The following SLFN5 variants were observed in gnomAD, a reference collection of about 807,000 sequenced individuals.
The protein encoded by SLFN5 is schlafen family member 5.
Under a neutral mutation model 48.5 loss-of-function variants are expected in SLFN5, and 34 were observed. The ratio of observed to expected loss-of-function variants is 0.70; its 90% CI spans 0.53 to 0.93. The LOEUF is 0.93. Among genes scored for constraint, SLFN5 ranks in the 40% least tolerant of loss-of-function variants. SLFN5 has a pLI of 0.00. For synonymous variants in SLFN5, 387 were observed against 396.2 expected, an observed-to-expected ratio of 0.98 and a Z score of 0.28; for missense variants, 1,006 against 1,071.3, an observed-to-expected ratio of 0.94 and a Z score of 0.85.
chr17:35,266,175 T>TGCGC lies in SLFN5; in HGVS notation c.*288_*289insCGCG, dbSNP rs1280248406. 7.7e-3 allele frequency: 1,549 copies of TGCGC among 200,864 alleles called. 9 individuals are homozygous for TGCGC. Among genetic ancestry groups the TGCGC allele is most frequent in the Admixed American group, 9.9e-3 (145 of 14,580 alleles). 12.4% of individuals were successfully genotyped at this position (200,864 alleles called of 1,614,324 possible). ...GTGTGTGTGTGTGTGTGTGTGTGTG[T>TGCGC]GTGCGCGCGCGCACGTGCACATGTG... On this transcript the variant is annotated 3_prime_UTR_variant, in exon 5 of 5. Coordinates refer to ENST00000299977, the MANE Select transcript of SLFN5 (RefSeq NM_144975.4).
At chr17:35,256,293 A>G (rs1303880088) in intron 1 of SLFN5, among the ~76,000 whole-genome samples, 1 of 151,896 alleles carries the variant, frequency 6.6e-6, no homozygotes, top group African/African-American at 2.4e-5. Flanking sequence ...TGGGAGGCAG[A>G]GTTTACACTG....
At position 35,264,744 on chromosome 17, in the gene SLFN5, A is replaced by G. The variant is rs936829951; in HGVS notation, c.1700A>G (p.Asn567Ser). ...AAACAGTATGAGTTGCTTTCAAAGA[A>G]CCTTCGCAAGACCAGAGAGTTGTTT... The part of the protein sequence containing the change: ...TNKQYELLSK[N>S]LRKTRELFVH... The change falls in exon 4 of 5, where the codon AAC becomes AGC. Residue 567 changes from asparagine to serine, a missense_variant. Transcript: ENST00000299977. 2.5e-6 allele frequency: 4 copies of G among 1,601,064 alleles called. No homozygotes were observed. In the Admixed American group the frequency reaches 7.0e-5, roughly 28 times the overall value.
chr17:35,249,318 C>CTAT (rs2092437376), intron 1 of SLFN5, among the ~76,000 whole-genome samples: 1 of 152,188 alleles, frequency 6.6e-6, no homozygotes, highest in Non-Finnish European at 1.5e-5. Context: ...AATCAACCAC[C>CTAT]TATTGACAAG....
At chr17:35,262,867 C>A (rs1019597237) in intron 3 of SLFN5, among the ~76,000 whole-genome samples, 2 of 151,646 alleles carry the variant, frequency 1.3e-5, no homozygotes, top group Non-Finnish European at 2.9e-5. Flanking sequence ...CCGTCCCCCC[C>A]AAAAAAAAGT....
intron 2 of SLFN5, 159 bp downstream of exon 2, chr17:35,259,861 C>T (rs1670954344): frequency 8.3e-6 from 7 of 843,680 alleles, no homozygotes; most frequent in African/African-American, 3.4e-5. Context: ...AGATGTAGTT[C>T]GTGGATTATT....
At chr17:35,248,238 T>C (rs916734588) in intron 1 of SLFN5, among the ~76,000 whole-genome samples, 14 of 152,286 alleles carry the variant, frequency 9.2e-5, no homozygotes, top group Middle Eastern at 3.4e-3. Flanking sequence ...TTGAACAAAA[T>C]TGTTCATTTG....
chr17:35,259,562 G>A lies in SLFN5; in HGVS notation c.872G>A (p.Gly291Glu). 1 of 1,613,886 alleles carries A rather than the reference G, an allele frequency of 6.2e-7. No individual in the cohort carries two copies. The highest frequency in any genetic ancestry group is 8.5e-7 in the Non-Finnish European group (1 of 1,180,032). ...LEVHDKGALR[G>E]YVCAIKVEKF... is the part of the protein sequence containing the mutation. Reference sequence around the variant, plus strand: ...GTGCATGATAAGGGGGCCCTCCGTGGATATGTCTGTGCAATCAAGGTGGAG... The same window carrying A: ...GTGCATGATAAGGGGGCCCTCCGTGAATATGTCTGTGCAATCAAGGTGGAG... The change falls in exon 2 of 5, where the codon GGA becomes GAA. Residue 291 changes from glycine to glutamate, a missense_variant. By Grantham distance (98) the Gly-to-Glu change is moderately conservative. Transcript: ENST00000299977.
chr17:35,251,488 C>A (rs12948006), intron 1 of SLFN5, among the ~76,000 whole-genome samples: 66,731 of 151,486 alleles, frequency 0.44, 17,466 homozygotes, highest in Non-Finnish European at 0.59. Context: ...TCACTGCAAG[C>A]TCCGCCTCCC....
chr17:35,259,624 TC>T lies in SLFN5; in HGVS notation c.936del (p.Trp313GlyfsTer3). On this transcript the variant is annotated frameshift_variant, in exon 2 of 5. Transcript: ENST00000299977. LOFTEE classifies it high-confidence loss of function. ...TGCGGTGTTTGCCAAAGTGCCTAGTTCCTGGCAGGTGAAGGACAACCGTGTG... is the reference window on the plus strand; with the variant it reads ...TGCGGTGTTTGCCAAAGTGCCTAGTTCTGGCAGGTGAAGGACAACCGTGTG... Reference protein sequence around the residue: ...CCAVFAKVPSSWQVKDNRVRQ... With the variant: ...CCAVFAKVPSXWQVKDNRVRQ... 6.2e-7 allele frequency: 1 copy of T among 1,606,844 alleles called. No homozygotes were observed.
intron 1 of SLFN5, among the ~76,000 whole-genome samples, chr17:35,257,711 G>T (rs1296886378): frequency 6.6e-6 from 1 of 151,178 alleles, no homozygotes; most frequent in Non-Finnish European, 1.5e-5. Context: ...GTATATATAT[G>T]ATTTTTTTTT....
At chr17:35,256,058 A>C (rs960494162) in intron 1 of SLFN5, among the ~76,000 whole-genome samples, 1 of 152,340 alleles carries the variant, frequency 6.6e-6, no homozygotes, top group African/African-American at 2.4e-5. Context: ...CTTAGAGTTC[A>C]TTCAAAATAG....
intron 1 of SLFN5, among the ~76,000 whole-genome samples, chr17:35,248,235 A>G (rs991039732): frequency 1.3e-5 from 2 of 152,192 alleles, no homozygotes; most frequent in Non-Finnish European, 2.9e-5. Context: ...GACTTGAACA[A>G]AATTGTTCAT....
rs1325014093 is a variant in SLFN5, at chr17:35,266,185, C to A, written c.*297C>A. 4 of 189,434 alleles carry A rather than the reference C, an allele frequency of 2.1e-5. No individual in the cohort carries two copies. In the East Asian group the frequency reaches 2.4e-4, roughly 11 times the overall value. 11.7% of individuals were successfully genotyped at this position (189,434 alleles called of 1,614,324 possible). A position where few individuals can be genotyped will look rare whatever the true frequency, so the allele number is the denominator to read the frequency against. ...GTGTGTGTGTGTGTGTGTGCGCGCG[C>A]GCACGTGCACATGTGTGTAGGTAGA... On this transcript the variant is annotated 3_prime_UTR_variant, in exon 5 of 5. Transcript: ENST00000299977.
At chr17:35,253,392 G>C (rs2092447074) in intron 1 of SLFN5, among the ~76,000 whole-genome samples, 9 of 151,454 alleles carry the variant, frequency 5.9e-5, no homozygotes, top group Admixed American at 5.9e-4. Context: ...AATCTTTGGA[G>C]ACAGGGTCTC....
Position 35,269,224 on chromosome 17 carries a change from T to C in SLFN5, c.*3336T>C, listed in dbSNP as rs764967639. ...ATGGGTATTTTTGAACATAAAAGAG[T>C]TCTAGAAATACAGGACCCATGAATC... On this transcript the variant is annotated 3_prime_UTR_variant, in exon 5 of 5. Coordinates refer to ENST00000299977, the MANE Select transcript of SLFN5 (RefSeq NM_144975.4). 23 of 151,864 alleles carry C rather than the reference T, an allele frequency of 1.5e-4. No individual in the cohort carries two copies. Among genetic ancestry groups the C allele is most frequent in the Non-Finnish European group, 2.9e-4 (20 of 67,962 alleles). The allele number at this position is 151,864 out of a possible 1,614,324, so 9.4% of individuals were successfully genotyped here.
chr17:35,264,968 T>C, intron 4 of SLFN5, 65 bp downstream of exon 4: 1 of 1,532,958 alleles, frequency 6.5e-7, no homozygotes, highest in Non-Finnish European at 8.7e-7. Context: ...GCTTTCAGTT[T>C]ACTTGCTAAA....
chr17:35,259,879 C>G, intron 2 of SLFN5, 177 bp downstream of exon 2: 1 of 729,402 alleles, frequency 1.4e-6, no homozygotes, highest in South Asian at 2.0e-5. Flanking sequence ...ATTGCCCTTC[C>G]TTTCTTCTGC....
chr17:35,251,492 G>C (rs1214542775), intron 1 of SLFN5, among the ~76,000 whole-genome samples: 1 of 151,986 alleles, frequency 6.6e-6, no homozygotes, highest in Non-Finnish European at 1.5e-5. Flanking sequence ...TGCAAGCTCC[G>C]CCTCCCGGGT....
rs1047977698 is a variant in SLFN5 at position 35,272,309 on chromosome 17, G to A, written c.*6421G>A. ...AATTCAAGTTAATTGGGGAAAGATGGATTATTCAATATATGATGAACAACT... is the reference window on the plus strand; with the variant it reads ...AATTCAAGTTAATTGGGGAAAGATGAATTATTCAATATATGATGAACAACT... On this transcript the variant is annotated 3_prime_UTR_variant, in exon 5 of 5. Transcript: ENST00000299977. 6.6e-6 allele frequency: 1 copy of A among 152,058 alleles called. No individual in the cohort carries two copies. The highest frequency in any genetic ancestry group is 1.5e-5 in the Non-Finnish European group (1 of 68,014). 9.4% of individuals were successfully genotyped at this position (152,058 alleles called of 1,614,324 possible). A position where few individuals can be genotyped will look rare whatever the true frequency, so the allele number is the denominator to read the frequency against.
Sources: gnomAD v4.1 joint callset for allele counts (sites outside exome capture counted in the v4.1 genomes callset) on GRCh38, gnomAD v4.1.1 for gene constraint, MANE v1.5 for transcripts, NCBI Gene and HGNC (gene_info 2026-07-23, HGNC 2026-07-21) for gene names.